The following ATP6V1E1 variants were observed in gnomAD, a reference collection of about 807,000 sequenced individuals.
ATP6V1E1 encodes V-type proton ATPase subunit E 1.
ATP6V1E1 carries 21 observed loss-of-function variants against 35.2 expected under a neutral mutation model. That is an observed-to-expected ratio of 0.60 (90% confidence interval 0.42 to 0.86). ATP6V1E1 has a LOEUF of 0.86. Among genes scored for constraint, ATP6V1E1 ranks in the 40% least tolerant of loss-of-function variants. The probability of loss-of-function intolerance (pLI) is 0.00; values close to 1 mark genes in which losing one functional copy is unlikely to be tolerated. For missense variants in ATP6V1E1, 183 were observed against 272.6 expected (o/e 0.67, Z 2.32); for synonymous variants, 83 against 87.8 (o/e 0.95, Z 0.30).
chr22:17,625,429 T>C (rs1291884738), intron 1 of ATP6V1E1, among the ~76,000 whole-genome samples: 1 of 148,890 alleles, frequency 6.7e-6, no homozygotes, highest in South Asian at 2.1e-4. Flanking sequence ...CGGCTAATTT[T>C]GAATTTTAGT....
Position 17,600,178 on chromosome 22 carries a change from T to C in ATP6V1E1, c.367-83A>G, listed in dbSNP as rs930547735. ...GGTCGGGCACAGTGGCTCAGGTCTG[T>C]AATCCTAACACTTTGGAAGGCCAAG... On this transcript the variant is annotated intron_variant, in intron 5 of 8. Transcript: ENST00000253413. The C allele has an allele frequency of 1.1e-5, 14 of 1,284,410 alleles. No individual in the cohort carries two copies. The Admixed American group carries it at 1.8e-4, about 16-fold the overall frequency. 79.6% of individuals were successfully genotyped at this position (1,284,410 alleles called of 1,614,324 possible).
At chr22:17,619,628 G>A (rs529022269) in intron 1 of ATP6V1E1, 102 bp from the exon 2 acceptor site, 22 of 981,330 alleles carry the variant, frequency 2.2e-5, no homozygotes, top group African/African-American at 1.5e-4. Context: ...GCTCACGCCC[G>A]TAATCCTACC....
In ATP6V1E1 at chr22:17,619,482, T is replaced by A; in HGVS notation, c.78A>T (p.Lys26Asn). 1 of 1,606,014 alleles carries A rather than the reference T, an allele frequency of 6.2e-7. No homozygotes were observed. The highest frequency in any genetic ancestry group is 8.5e-7 in the Non-Finnish European group (1 of 1,176,706). ...TCACCTTTGCATCTATTTCTTCTGC[T>A]TTCTCATTGGCTTCTTGTTCAATGA... The part of the protein sequence containing the change: ...MAFIEQEANE[K>N]AEEIDAKAEE... Residue 26 changes from lysine to asparagine, a missense_variant, in exon 2 of 9, where the codon AAA (lysine) becomes AAT (asparagine). Coordinates refer to ENST00000253413, the MANE Select transcript of ATP6V1E1 (RefSeq NM_001696.4).
Position 17,592,503 on chromosome 22 carries a change from C to G in ATP6V1E1, c.*171G>C. 1 of 699,506 alleles carries G rather than the reference C, an allele frequency of 1.4e-6. No individual in the cohort carries two copies. Among genetic ancestry groups the G allele is most frequent in the Non-Finnish European group, 2.4e-6 (1 of 410,990 alleles). The allele number at this position is 699,506 out of a possible 1,614,324, so 43.3% of individuals were successfully genotyped here. A position where few individuals can be genotyped will look rare whatever the true frequency, so the allele number is the denominator to read the frequency against. On this transcript the variant is annotated 3_prime_UTR_variant, in exon 9 of 9. Coordinates refer to ENST00000253413, the MANE Select transcript of ATP6V1E1 (RefSeq NM_001696.4). ...TGATCATATTACATGAAGCTTTCCA[C>G]CATTGTGAACAATTAGGCAAGGCAT...
At chr22:17,617,633 G>A (rs771704843) in intron 2 of ATP6V1E1, among the ~76,000 whole-genome samples, 1 of 151,924 alleles carries the variant, frequency 6.6e-6, no homozygotes, top group Non-Finnish European at 1.5e-5. Context: ...TAAAAAATGC[G>A]TGTTATGATT....
At position 17,594,448 on chromosome 22, in the gene ATP6V1E1, A is replaced by G. The variant is rs1183882087; in HGVS notation, c.618+81T>C. ...CTGGAAAGACAGCAACAAATCCCAA[A>G]TACCAGTGAATGGACACGTGTTCTC... On this transcript the variant is annotated intron_variant, in intron 8 of 8. Coordinates refer to ENST00000253413, the MANE Select transcript of ATP6V1E1 (RefSeq NM_001696.4). The G allele has an allele frequency of 7.2e-6, 8 of 1,113,546 alleles. No homozygotes were observed. The African/African-American group carries it at 1.1e-4, about 16-fold the overall frequency. 69.0% of individuals were successfully genotyped at this position (1,113,546 alleles called of 1,614,324 possible).
intron 1 of ATP6V1E1, among the ~76,000 whole-genome samples, chr22:17,626,369 GTTTA>G (rs1207333833): frequency 6.7e-6 from 1 of 148,988 alleles, no homozygotes; most frequent in Non-Finnish European, 1.5e-5. Flanking sequence ...ACACAATTTT[GTTTA>G]TTTATTTAAT....
chr22:17,600,192 T>G (rs985585857), intron 5 of ATP6V1E1, 97 bp from the exon 6 acceptor site: 14 of 1,134,728 alleles, frequency 1.2e-5, no homozygotes, highest in Admixed American at 1.9e-5. Context: ...CCTAACACTT[T>G]GGAAGGCCAA....
chr22:17,607,981 C>G (rs1601382753), intron 4 of ATP6V1E1, among the ~76,000 whole-genome samples: 1 of 152,218 alleles, frequency 6.6e-6, no homozygotes, highest in South Asian at 2.1e-4. Context: ...CAGACTACCT[C>G]TGTTTCCCGC....
chr22:17,625,379 C>A (rs912092661), intron 1 of ATP6V1E1, among the ~76,000 whole-genome samples: 2 of 152,140 alleles, frequency 1.3e-5, no homozygotes, highest in Non-Finnish European at 2.9e-5. Flanking sequence ...CTGTCTCAGG[C>A]TCCCAAGTTG....
Position 17,601,189 on chromosome 22 carries a change from G to T in ATP6V1E1, c.277-8C>A, listed in dbSNP as rs535128110. On this transcript the variant is annotated splice_region_variant and splice_polypyrimidine_tract_variant and intron_variant, in intron 4 of 8. Coordinates refer to ENST00000253413, the MANE Select transcript of ATP6V1E1 (RefSeq NM_001696.4). The stretch of plus-strand genomic sequence containing the variant: ...TGCTTCATTTAGTAGGTCCTACAAA[G>T]ATTAGAAAAGATAAAAGTTATCTAC... 6 of 1,610,014 alleles carry T rather than the reference G, an allele frequency of 3.7e-6. No homozygotes were observed. The highest frequency in any genetic ancestry group is 2.2e-5 in the East Asian group (1 of 44,800).
chr22:17,606,553 A>G (rs1471375615), intron 4 of ATP6V1E1, among the ~76,000 whole-genome samples: 3 of 152,100 alleles, frequency 2.0e-5, no homozygotes, highest in African/African-American at 7.3e-5. Flanking sequence ...AATTCTCATT[A>G]TAAGTCAGAG....
Position 17,594,539 on chromosome 22 carries a change from A to G in ATP6V1E1, c.608T>C (p.Ile203Thr), listed in dbSNP as rs2057721375. 2 of 1,588,014 alleles carry G rather than the reference A, an allele frequency of 1.3e-6. No homozygotes were observed. The highest frequency in any genetic ancestry group is 1.7e-6 in the Non-Finnish European group (2 of 1,167,350). The change falls in exon 8 of 9, where the codon ATA becomes ACA. Residue 203 changes from isoleucine to threonine, a missense_variant. Physicochemically the swap from Ile to Thr is moderately conservative, Grantham distance 89. Coordinates refer to ENST00000253413, the MANE Select transcript of ATP6V1E1 (RefSeq NM_001696.4). ...SNTLESRLDL[I>T]AQQMMPEVRG... ...TACCCCCACACTCACCTGCTGGGCT[A>G]TGAGATCCAGCCGGCTTTCCAGGGT...
At position 17,612,851 on chromosome 22, in the gene ATP6V1E1, C is replaced by T. The variant is rs78475231; in HGVS notation, c.237G>A (p.Ala79=). The change falls in exon 4 of 9, where the codon GCG becomes GCA. Residue 79 remains alanine, a synonymous_variant. Transcript: ENST00000253413. ...KIQMSNLMNQ[A]RLKVLRARDD... ...CTCTTGCTCTGAGGACTTTGAGTCT[C>T]GCTTGATTCATCAAATTGGACATCT... 1.5e-3 allele frequency: 2,341 copies of T among 1,610,284 alleles called. 32 individuals are homozygous for T. The African/African-American group carries it at 0.026, about 18-fold the overall frequency.
rs553096592 is a variant in ATP6V1E1, at chr22:17,614,310, A to G, written c.100-990T>C. The stretch of plus-strand genomic sequence containing the variant: ...GGTTGCAGTGAGCCGAGATCGTGCC[A>G]CTGCACTCTAGCTTAGGGAAGAAGA... On this transcript the variant is annotated intron_variant, in intron 2 of 8. Transcript: ENST00000253413. Among the ~76,000 whole-genome samples, 6 of 152,042 alleles carry G rather than the reference A, an allele frequency of 3.9e-5. No homozygotes were observed. The East Asian group carries it at 1.2e-3, about 30-fold the overall frequency.
At chr22:17,620,357 C>T (rs2146315431) in intron 1 of ATP6V1E1, among the ~76,000 whole-genome samples, 1 of 152,064 alleles carries the variant, frequency 6.6e-6, no homozygotes, top group East Asian at 1.9e-4. Flanking sequence ...CCATCTTAGC[C>T]AGGATGGTCT....
At position 17,592,601 on chromosome 22, in the gene ATP6V1E1, C is replaced by T. The variant is rs1244404516; in HGVS notation, c.*73G>A. 59 of 1,452,872 alleles carry T rather than the reference C, an allele frequency of 4.1e-5. No individual in the cohort carries two copies. The highest frequency in any genetic ancestry group is 1.8e-4 in the Admixed American group (11 of 59,588). The allele number at this position is 1,452,872 out of a possible 1,614,324, so 90.0% of individuals were successfully genotyped here. On this transcript the variant is annotated 3_prime_UTR_variant, in exon 9 of 9. Coordinates refer to ENST00000253413, the MANE Select transcript of ATP6V1E1 (RefSeq NM_001696.4). Reference sequence around the variant, plus strand: ...GTGAAGAGGAAGCTACAGAGACATTCGTGTTTCTTCAAATATCAGAAGCTT... The same window carrying T: ...GTGAAGAGGAAGCTACAGAGACATTTGTGTTTCTTCAAATATCAGAAGCTT...
chr22:17,612,319 G>A (rs2057819502), intron 4 of ATP6V1E1, among the ~76,000 whole-genome samples: 1 of 152,108 alleles, frequency 6.6e-6, no homozygotes, highest in South Asian at 2.1e-4. Context: ...TGCTTCTGAA[G>A]GTTTCTGCCC....
At chr22:17,617,482 T>C (rs913887511) in intron 2 of ATP6V1E1, among the ~76,000 whole-genome samples, 2 of 151,948 alleles carry the variant, frequency 1.3e-5, no homozygotes, top group Admixed American at 6.6e-5. Flanking sequence ...TTTGTAGAGA[T>C]GGGGTTTCAA....
Sources: gnomAD v4.1 joint callset for allele counts (sites outside exome capture counted in the v4.1 genomes callset) on GRCh38, gnomAD v4.1.1 for gene constraint, MANE v1.5 for transcripts, NCBI Gene and HGNC (gene_info 2026-07-23, HGNC 2026-07-21) for gene names.